The following GALNS variants were observed in gnomAD, a reference collection of about 807,000 sequenced individuals.
The protein encoded by GALNS is N-acetylgalactosamine-6-sulfatase.
In GALNS, 65 loss-of-function variants were observed where a neutral mutation model predicts 65.9. The observed-to-expected ratio is 0.99, with a 90% CI of 0.81 to 1.21. The LOEUF (loss-of-function observed/expected upper bound fraction) is 1.21, where lower values mean the gene tolerates loss of function less well. Among genes scored for constraint, GALNS ranks in the 50% most tolerant of loss-of-function variants. The pLI is 0.00. For synonymous variants in GALNS, 346 were observed against 288.9 expected (o/e 1.20, Z -2.00); for missense variants, 776 against 700.7 (o/e 1.11, Z -1.21).
intron 1 of GALNS, chr16:88,843,124 A>T (rs1369169903): frequency 6.9e-7 from 1 of 1,451,560 alleles, no homozygotes; most frequent in Admixed American, 2.1e-5. Context: ...CAGGTGGGGA[A>T]TGTGTCCGTC....
chr16:88,841,628 G>A (rs1406494869), intron 3 of GALNS, among the ~76,000 whole-genome samples: 1 of 152,226 alleles, frequency 6.6e-6, no homozygotes, highest in African/African-American at 2.4e-5. Flanking sequence ...CGGCTCACCC[G>A]CCTGGGGAGT....
At chr16:88,836,466 C>A (rs1255599022) in intron 5 of GALNS, among the ~76,000 whole-genome samples, 199 bp from the exon 6 acceptor site, 1 of 152,128 alleles carries the variant, frequency 6.6e-6, no homozygotes, top group Non-Finnish European at 1.5e-5. Flanking sequence ...CCAGCCTGGG[C>A]AACATGGTGA....
intron 13 of GALNS, chr16:88,816,007 G>T (rs1027098470): frequency 2.0e-6 from 2 of 985,262 alleles, no homozygotes; most frequent in Admixed American, 1.2e-4. Context: ...GGCAGGGAAG[G>T]GGTAAGGAGG....
At chr16:88,814,944 G>T (rs562848241) in intron 13 of GALNS, 92 of 748,976 alleles carry the variant, frequency 1.2e-4, no homozygotes, top group Non-Finnish European at 1.4e-4. Flanking sequence ...AGTTGGCCAG[G>T]CTGGTCTCAA....
At chr16:88,821,382 C>T (rs897957016) in intron 12 of GALNS, among the ~76,000 whole-genome samples, 5 of 152,194 alleles carry the variant, frequency 3.3e-5, no homozygotes, top group South Asian at 4.1e-4. Context: ...CAGCGCCACC[C>T]GTGCCTTAAT....
At chr16:88,856,041 T>C (rs1157184105) in intron 1 of GALNS, 1 of 636,820 alleles carries the variant, frequency 1.6e-6, no homozygotes, top group Non-Finnish European at 2.9e-6. Context: ...TCTGGGGTCC[T>C]GCACGGTGAC....
At chr16:88,822,794 C>T in intron 11 of GALNS, 84 bp from the exon 12 acceptor site, 1 of 1,560,622 alleles carries the variant, frequency 6.4e-7, no homozygotes, top group Non-Finnish European at 8.7e-7. Flanking sequence ...CCTGGAGCCC[C>T]TGACTGCGGC....
At chr16:88,837,993 G>A (rs534366254) in intron 4 of GALNS, 4 of 545,534 alleles carry the variant, frequency 7.3e-6, no homozygotes, top group East Asian at 3.1e-5. Context: ...AACCGAGGGC[G>A]GCAGGCATGG....
intron 8 of GALNS, 47 bp from the exon 9 acceptor site, chr16:88,832,148 A>G: frequency 6.6e-7 from 1 of 1,520,306 alleles, no homozygotes; most frequent in African/African-American, 1.4e-5. Context: ...AGATGTCCCC[A>G]GGCCCTCCCC....
At chr16:88,856,560 T>TGC in intron 1 of GALNS, 198 bp downstream of exon 1, 1 of 548,318 alleles carries the variant, frequency 1.8e-6, no homozygotes, top group Non-Finnish European at 3.3e-6. Flanking sequence ...CCGAGGGGCC[T>TGC]CCCCCTCCCC....
chr16:88,848,086 A>C (rs543663099), intron 1 of GALNS, among the ~76,000 whole-genome samples: 1 of 152,302 alleles, frequency 6.6e-6, no homozygotes, highest in African/African-American at 2.4e-5. Flanking sequence ...GAAAATAGAC[A>C]CAAGGCCCAT....
At chr16:88,832,596 A>G (rs1911624292) in intron 8 of GALNS, among the ~76,000 whole-genome samples, 1 of 152,132 alleles carries the variant, frequency 6.6e-6, no homozygotes, top group East Asian at 1.9e-4. Context: ...ACTTGTGGGA[A>G]GTGGTCACGG....
chr16:88,848,659 G>T (rs1967365017), intron 1 of GALNS, among the ~76,000 whole-genome samples: 1 of 152,180 alleles, frequency 6.6e-6, no homozygotes, highest in South Asian at 2.1e-4. Context: ...GGGGCCGGTG[G>T]GCGTTTGACT....
rs757321972 is a variant in GALNS, at chr16:88,835,766, G to A, written c.717C>T (p.Val239=). The A allele has an allele frequency of 1.2e-6, 2 of 1,614,044 alleles. No homozygotes were observed. Among genetic ancestry groups the A allele is most frequent in the East Asian group, 2.2e-5 (1 of 44,892 alleles). The change falls in exon 7 of 14, where the codon GTC becomes GTT. Residue 239 remains valine, a synonymous_variant. Transcript: ENST00000268695. The part of the protein sequence containing the change: ...YWAVDATHAP[V]YASKPFLGTS... ...TGCCCAAGAAGGGTTTGGAGGCATA[G>A]ACGGGTGCGTGCGTGGCGTCGACAG...
At chr16:88,825,446 GCCTGGGCGGCCAGGGCTGGGGTA>G (rs1910770680) in intron 10 of GALNS, among the ~76,000 whole-genome samples, 2 of 139,394 alleles carry the variant, frequency 1.4e-5, no homozygotes, top group Non-Finnish European at 3.0e-5. Context: ...GGGCTGGAGT[GCCTGGGCGGCCAGGGCTGGGGTA>G]CCTGGGTGTC....
chr16:88,843,386 TC>T, intron 1 of GALNS: 1 of 421,020 alleles, frequency 2.4e-6, no homozygotes, highest in Non-Finnish European at 4.2e-6. Flanking sequence ...CATACGAGCG[TC>T]CAGGGCAGCA....
rs1257223060 is a variant in GALNS, at chr16:88,841,934, G to A, written c.282C>T (p.Arg94=). 4 of 1,613,714 alleles carry A rather than the reference G, an allele frequency of 2.5e-6. No homozygotes were observed. The South Asian group carries it at 4.4e-5, about 18-fold the overall frequency. ...GGGCGTTGGTGGTGTAGAAGCCATT[G>A]CGGATGGGTAGCCGTCCTGTGAGCA... The part of the protein sequence containing the change: ...AALLTGRLPI[R]NGFYTTNAHA... The change falls in exon 3 of 14, where the codon CGC becomes CGT. Residue 94 remains arginine, a synonymous_variant. Transcript: ENST00000268695.
chr16:88,820,870 C>T (rs1910137913), intron 12 of GALNS, among the ~76,000 whole-genome samples: 12 of 152,136 alleles, frequency 7.9e-5, no homozygotes, highest in Admixed American at 7.9e-4. Context: ...ACCGGTGTGG[C>T]CAGCAGCTTG....
At chr16:88,855,201 A>T (rs1238028782) in intron 1 of GALNS, 5 of 689,130 alleles carry the variant, frequency 7.3e-6, no homozygotes, top group East Asian at 5.5e-5. Flanking sequence ...AACATAAAAA[A>T]TTATTCATGA....
Sources: allele counts gnomAD v4.1 joint callset (sites outside exome capture counted in the v4.1 genomes callset), GRCh38; gene constraint gnomAD v4.1.1; transcripts MANE v1.5; gene names NCBI Gene and HGNC (gene_info 2026-07-23, HGNC 2026-07-21).